ANKRD11: variants seen among roughly 807,000 people sequenced by gnomAD.
The protein encoded by ANKRD11 is ankyrin repeat domain 11, also known as ankyrin repeat domain-containing protein 11.
In ANKRD11, 17 loss-of-function variants were observed where a neutral mutation model predicts 195.7. The observed-to-expected ratio is 0.09, with a 90% CI of 0.06 to 0.13. The LOEUF is 0.13. ANKRD11 is among the 10% of genes least tolerant of loss of function. The pLI is 1.00. For synonymous variants in ANKRD11, 1,953 were observed against 1,528.1 expected, an observed-to-expected ratio of 1.28 and a Z score of -6.49; for missense variants, 3,735 against 3,566.1, an observed-to-expected ratio of 1.05 and a Z score of -1.21.
At chr16:89,446,377 G>A (rs1429211158) in intron 1 of ANKRD11, among the ~76,000 whole-genome samples, 1 of 152,204 alleles carries the variant, frequency 6.6e-6, no homozygotes, top group African/African-American at 2.4e-5. Context: ...GCCCAGACAG[G>A]CAGATCGCTT....
chr16:89,468,949 A>G (rs779876270), intron 1 of ANKRD11, among the ~76,000 whole-genome samples: 7 of 152,252 alleles, frequency 4.6e-5, no homozygotes, highest in Non-Finnish European at 1.0e-4. Flanking sequence ...TAAATGTAAA[A>G]GAAAACTATA....
chr16:89,304,676 A>G (rs2036070172), intron 4 of ANKRD11, among the ~76,000 whole-genome samples: 1 of 151,984 alleles, frequency 6.6e-6, no homozygotes, highest in Non-Finnish European at 1.5e-5. Context: ...ACATGGGCAC[A>G]CATACACACA....
At chr16:89,443,714 A>T (rs2043639610) in intron 1 of ANKRD11, among the ~76,000 whole-genome samples, 1 of 152,222 alleles carries the variant, frequency 6.6e-6, no homozygotes, top group African/African-American at 2.4e-5. Context: ...AAGAGCGGGA[A>T]CACCCCTTTA....
At chr16:89,286,854 A>G in intron 7 of ANKRD11, 1 of 1,287,814 alleles carries the variant, frequency 7.8e-7, no homozygotes, top group Non-Finnish European at 1.0e-6. Flanking sequence ...CTCAAGTACA[A>G]ATTAAATTTA....
At chr16:89,469,197 A>G (rs1030187654) in intron 1 of ANKRD11, among the ~76,000 whole-genome samples, 39 of 152,118 alleles carry the variant, frequency 2.6e-4, no homozygotes. Flanking sequence ...AAAAGAGGAA[A>G]AAAAAGAAAT....
intron 2 of ANKRD11, among the ~76,000 whole-genome samples, chr16:89,375,768 T>TAAA (rs36033030): frequency 3.5e-5 from 3 of 84,540 alleles, no homozygotes; most frequent in Admixed American, 1.4e-4. Flanking sequence ...CTCCGTCTCT[T>TAAA]AAAAAAAAAA....
At chr16:89,356,795 A>G (rs930107838) in intron 2 of ANKRD11, among the ~76,000 whole-genome samples, 1 of 150,500 alleles carries the variant, frequency 6.6e-6, no homozygotes, top group East Asian at 1.9e-4. Context: ...AAAAAAAAAA[A>G]GAAAAAAGAA....
At chr16:89,313,700 G>T in intron 3 of ANKRD11, 1 of 919,416 alleles carries the variant, frequency 1.1e-6, no homozygotes, top group Non-Finnish European at 1.5e-6. Context: ...AGGCAGGTCA[G>T]ATGTGTGCAC....
chr16:89,419,777 G>A (rs1182638499), intron 1 of ANKRD11, among the ~76,000 whole-genome samples: 1 of 150,634 alleles, frequency 6.6e-6, no homozygotes, highest in Non-Finnish European at 1.5e-5. Flanking sequence ...AAGATGGAGT[G>A]AGGTTTTTCC....
chr16:89,442,117 C>G (rs1233649680), intron 1 of ANKRD11, among the ~76,000 whole-genome samples: 1 of 152,194 alleles, frequency 6.6e-6, no homozygotes, highest in African/African-American at 2.4e-5. Flanking sequence ...GAGCAGTTGG[C>G]ACACCGATGC....
At chr16:89,276,608 G>A (rs566353785) in intron 9 of ANKRD11, among the ~76,000 whole-genome samples, 224 of 152,338 alleles carry the variant, frequency 1.5e-3, no homozygotes, top group African/African-American at 5.0e-3. Flanking sequence ...CCAGGAGACA[G>A]GGCACGGGAG....
chr16:89,278,251 G>A (rs1334416351), intron 9 of ANKRD11: 2 of 346,326 alleles, frequency 5.8e-6, no homozygotes, highest in Non-Finnish European at 1.1e-5. Context: ...GAGGACAGAC[G>A]GGTGGGCTCT....
intron 1 of ANKRD11, among the ~76,000 whole-genome samples, chr16:89,488,670 T>C (rs1034491905): frequency 2.6e-5 from 4 of 152,178 alleles, no homozygotes; most frequent in Admixed American, 1.3e-4. Context: ...ATGGCACTTT[T>C]TCCACAGGTA....
intron 2 of ANKRD11, among the ~76,000 whole-genome samples, chr16:89,335,992 GGTCTTTTATTA>G (rs1184344092): frequency 6.6e-6 from 1 of 152,158 alleles, no homozygotes; most frequent in Non-Finnish European, 1.5e-5. Context: ...CTCTCAGATG[GGTCTTTTATTA>G]GAGTTTCTAA....
intron 9 of ANKRD11, among the ~76,000 whole-genome samples, chr16:89,276,553 G>A (rs2033669331): frequency 6.6e-6 from 1 of 152,132 alleles, no homozygotes; most frequent in African/African-American, 2.4e-5. Context: ...CCAGGCCTGG[G>A]GCCTCTGACC....
At chr16:89,331,284 T>A (rs2038053655) in intron 2 of ANKRD11, among the ~76,000 whole-genome samples, 1 of 152,336 alleles carries the variant, frequency 6.6e-6, no homozygotes, top group Middle Eastern at 3.4e-3. Context: ...ATTAACTTCA[T>A]GTGTTTCTTT....
At chr16:89,357,196 A>AG (rs2039524070) in intron 2 of ANKRD11, among the ~76,000 whole-genome samples, 2 of 152,062 alleles carry the variant, frequency 1.3e-5, no homozygotes, top group South Asian at 2.1e-4. Flanking sequence ...TTCGAAGATG[A>AG]GTGGGGTTGG....
chr16:89,353,838 C>G (rs2039334832), intron 2 of ANKRD11, among the ~76,000 whole-genome samples: 1 of 152,198 alleles, frequency 6.6e-6, no homozygotes. Flanking sequence ...TATGGGAACA[C>G]AACACACATC....
At chr16:89,368,779 G>A (rs1461579015) in intron 2 of ANKRD11, among the ~76,000 whole-genome samples, 2 of 152,070 alleles carry the variant, frequency 1.3e-5, no homozygotes, top group African/African-American at 2.4e-5. Context: ...GGTGGTGCAC[G>A]CCTGTGGTTT....
Sources: allele counts gnomAD v4.1 joint callset (sites outside exome capture counted in the v4.1 genomes callset), GRCh38; gene constraint gnomAD v4.1.1; transcripts MANE v1.5; gene names NCBI Gene and HGNC (gene_info 2026-07-23, HGNC 2026-07-21).